ERI3: variants seen among roughly 807,000 people sequenced by gnomAD.
ERI3 encodes the protein ERI1 exoribonuclease 3.
ERI3 carries 18 observed loss-of-function variants against 44.4 expected under a neutral mutation model. That is an observed-to-expected ratio of 0.41 (90% CI 0.28 to 0.60). ERI3 has a LOEUF of 0.60. ERI3 is among the 20% of genes least tolerant of loss of function. The pLI, the probability that ERI3 is intolerant of heterozygous loss-of-function variation, is 0.36. For synonymous variants in ERI3, 183 were observed against 164.8 expected (o/e 1.11, Z -0.84); for missense variants, 294 against 435.5 (o/e 0.68, Z 2.89).
chr1:44,272,001 C>T (rs1645096482), intron 7 of ERI3, among the ~76,000 whole-genome samples: 1 of 152,184 alleles, frequency 6.6e-6, no homozygotes, highest in Non-Finnish European at 1.5e-5. Flanking sequence ...CCACAATGTC[C>T]TGTATGTCTA....
chr1:44,349,216 G>C (rs958988648), intron 2 of ERI3, among the ~76,000 whole-genome samples: 1 of 152,084 alleles, frequency 6.6e-6, no homozygotes, highest in Non-Finnish European at 1.5e-5. Flanking sequence ...GCAGTGGCTC[G>C]ATCTCAGCTC....
At chr1:44,293,992 C>G (rs1463701088) in intron 6 of ERI3, among the ~76,000 whole-genome samples, 1 of 152,258 alleles carries the variant, frequency 6.6e-6, no homozygotes, top group African/African-American at 2.4e-5. Context: ...GTCTCCACAG[C>G]TCACAGGACA....
At chr1:44,227,381 A>G (rs1435343003) in intron 8 of ERI3, among the ~76,000 whole-genome samples, 1 of 152,148 alleles carries the variant, frequency 6.6e-6, no homozygotes. Context: ...GTGACACAGC[A>G]GGATCCTTGG....
At position 44,329,600 on chromosome 1, in the gene ERI3, A is replaced by C. The variant is rs185687610; in HGVS notation, c.489+9445T>G. On this transcript the variant is annotated intron_variant, in intron 3 of 8. Transcript: ENST00000372257. The stretch of plus-strand genomic sequence containing the variant: ...TCAAATCATGGCTCTCAGTTTTATC[A>C]CACTTTTAGAGAGCAAGATTCCAAG... Among the ~76,000 whole-genome samples, 61 of 152,282 alleles carry C rather than the reference A, an allele frequency of 4.0e-4. No homozygotes were observed. The East Asian group carries it at 7.5e-3, about 19-fold the overall frequency.
At chr1:44,240,158 C>T (rs575613417) in intron 8 of ERI3, among the ~76,000 whole-genome samples, 14 of 152,284 alleles carry the variant, frequency 9.2e-5, no homozygotes, top group Admixed American at 3.9e-4. Flanking sequence ...GCCTAGAGGC[C>T]GTGTGCTGGG....
At chr1:44,227,705 G>A (rs915502859) in intron 8 of ERI3, among the ~76,000 whole-genome samples, 1 of 152,138 alleles carries the variant, frequency 6.6e-6, no homozygotes, top group African/African-American at 2.4e-5. Context: ...TAGCTTAGAA[G>A]GAAGATGAGG....
rs142456963 is a variant in ERI3, at chr1:44,326,847, T to C, written c.490-7103A>G. Among the ~76,000 whole-genome samples, 1,396 of 152,318 alleles carry C rather than the reference T, an allele frequency of 9.2e-3. 9 individuals are homozygous for C. The highest frequency in any genetic ancestry group is 0.015 in the Non-Finnish European group (996 of 68,028). On this transcript the variant is annotated intron_variant, in intron 3 of 8. Coordinates refer to ENST00000372257, the MANE Select transcript of ERI3 (RefSeq NM_024066.3). ...AAGAGGCTGAAAATAGACACTGCTA[T>C]TCTTTATTTGAGGAGAGTATGGGTG...
intron 6 of ERI3, among the ~76,000 whole-genome samples, chr1:44,292,805 A>G (rs1645536067): frequency 6.6e-6 from 1 of 152,140 alleles, no homozygotes; most frequent in Non-Finnish European, 1.5e-5. Flanking sequence ...AAGATGATAC[A>G]CTTGCTGGAG....
chr1:44,300,253 G>T (rs1338464736), intron 6 of ERI3, among the ~76,000 whole-genome samples: 3 of 152,168 alleles, frequency 2.0e-5, no homozygotes, highest in Non-Finnish European at 4.4e-5. Flanking sequence ...TTTTATCAGG[G>T]TTTTCACTGA....
At chr1:44,319,845 T>C in intron 3 of ERI3, 101 bp from the exon 4 acceptor site, 1 of 921,350 alleles carries the variant, frequency 1.1e-6, no homozygotes, top group Non-Finnish European at 1.7e-6. Context: ...TTGGATTCAT[T>C]AGTGTTTTGG....
At chr1:44,352,770 C>T (rs1646921562) in intron 2 of ERI3, 80 bp downstream of exon 2, 5 of 1,483,384 alleles carry the variant, frequency 3.4e-6, no homozygotes, top group Middle Eastern at 1.8e-4. Context: ...CAATCTGCAT[C>T]AGCCCCCACC....
chr1:44,259,223 A>C (rs1644837852), intron 7 of ERI3, among the ~76,000 whole-genome samples: 1 of 152,084 alleles, frequency 6.6e-6, no homozygotes, highest in South Asian at 2.1e-4. Flanking sequence ...GGGGAGTCTG[A>C]CTTAGGTGGG....
intron 1 of ERI3, chr1:44,354,571 T>G: frequency 6.1e-6 from 6 of 985,368 alleles, no homozygotes; most frequent in Non-Finnish European, 7.2e-6. Context: ...GCTAACCTGG[T>G]GTGTGGGCAT....
intron 2 of ERI3, among the ~76,000 whole-genome samples, chr1:44,351,071 TCA>T (rs1646880816): frequency 6.6e-6 from 1 of 151,802 alleles, no homozygotes; most frequent in Admixed American, 6.6e-5. Context: ...TCTTGCTCTG[TCA>T]CCCAGGCTGG....
intron 7 of ERI3, among the ~76,000 whole-genome samples, chr1:44,281,878 A>ATGTGTGTG (rs10574197): frequency 0.033 from 4,242 of 126,882 alleles, 100 homozygotes; most frequent in Admixed American, 0.045. Context: ...ACATGTGCAT[A>ATGTGTGTG]TGTGTGTGTG....
chr1:44,272,854 A>AATAAG (rs1488180747), intron 7 of ERI3, among the ~76,000 whole-genome samples: 4 of 116,064 alleles, frequency 3.4e-5, no homozygotes, highest in African/African-American at 1.0e-4. Context: ...AATAAAATAA[A>AATAAG]ATAAAATAAA....
intron 6 of ERI3, among the ~76,000 whole-genome samples, chr1:44,298,174 C>T (rs1645649815): frequency 6.6e-6 from 1 of 152,202 alleles, no homozygotes; most frequent in Admixed American, 6.5e-5. Context: ...ATCCTTAATA[C>T]CTAGAGCAGT....
chr1:44,307,686 G>A (rs943161071), intron 6 of ERI3, among the ~76,000 whole-genome samples: 3 of 152,192 alleles, frequency 2.0e-5, no homozygotes, highest in Non-Finnish European at 2.9e-5. Context: ...GGGGACAAAG[G>A]AGGAAAGAGG....
intron 6 of ERI3, among the ~76,000 whole-genome samples, chr1:44,289,341 C>T (rs1317418883): frequency 1.3e-5 from 2 of 152,136 alleles, no homozygotes; most frequent in African/African-American, 2.4e-5. Context: ...AAAGGGGGTC[C>T]GCCCTTGGCA....
Sources: allele counts gnomAD v4.1 joint callset (sites outside exome capture counted in the v4.1 genomes callset), GRCh38; gene constraint gnomAD v4.1.1; transcripts MANE v1.5; gene names NCBI Gene and HGNC (gene_info 2026-07-23, HGNC 2026-07-21).